The following BUD13 variants were observed in gnomAD, a reference collection of about 807,000 sequenced individuals.
BUD13 encodes BUD13 spliceosome associated protein, also known as BUD13 homolog.
A neutral mutation model predicts 62.5 loss-of-function variants in BUD13; 47 were observed. The observed-to-expected ratio is 0.75, with a 90% CI of 0.60 to 0.96. The LOEUF is 0.96. Among genes scored for constraint, BUD13 ranks in the 40% least tolerant of loss-of-function variants. The probability of loss-of-function intolerance (pLI) is 0.00; values close to 1 mark genes in which losing one functional copy is unlikely to be tolerated. For missense variants in BUD13, 821 were observed against 790.9 expected (o/e 1.04, Z -0.46); for synonymous variants, 293 against 280.1 (o/e 1.05, Z -0.46).
rs755546839 is a variant in BUD13 at position 116,763,221 on chromosome 11, G to A, written c.368C>T (p.Thr123Ile). The A allele has an allele frequency of 6.4e-7, 1 of 1,555,492 alleles. No individual in the cohort carries two copies. Among genetic ancestry groups the A allele is most frequent in the Admixed American group, 2.0e-5 (1 of 51,070 alleles). ...LPSNRHFRHD[T>I]PDSSPRRVRH... Reference sequence around the variant, plus strand: ...GACCCTCCTAGGAGATGAATCCGGGGTATCGTGACGAAAATGTCTGTTTGA... The same window carrying A: ...GACCCTCCTAGGAGATGAATCCGGGATATCGTGACGAAAATGTCTGTTTGA... Residue 123 changes from threonine (T) to isoleucine (I), a missense_variant, in exon 4 of 10, where the codon ACC becomes ATC. By Grantham distance (89) the Thr-to-Ile change is moderately conservative. This residue lies in a region of BUD13 where 800 missense variants were observed against 739.2 expected (regional missense o/e 1.08). Transcript: ENST00000260210.
chr11:116,758,514 G>C, intron 6 of BUD13, 107 bp from the exon 7 acceptor site: 1 of 1,286,236 alleles, frequency 7.8e-7, no homozygotes, highest in Non-Finnish European at 1.1e-6. Flanking sequence ...AACTTCTGCA[G>C]CCAGACCAAA....
At chr11:116,749,242 T>C (rs564721918) in intron 9 of BUD13, among the ~76,000 whole-genome samples, 13 of 152,304 alleles carry the variant, frequency 8.5e-5, no homozygotes, top group Admixed American at 5.9e-4. Flanking sequence ...CTAGGTACCA[T>C]GGTAGACACT....
intron 4 of BUD13, 112 bp from the exon 5 acceptor site, chr11:116,761,064 A>C: frequency 1.2e-6 from 1 of 867,620 alleles, no homozygotes; most frequent in East Asian, 2.9e-5. Flanking sequence ...TCCTTACATT[A>C]TTATTATTTT....
chr11:116,772,736 G>A (rs1047938152), intron 1 of BUD13, 86 bp downstream of exon 1: 76 of 1,410,702 alleles, frequency 5.4e-5, no homozygotes, highest in Non-Finnish European at 6.7e-5. Flanking sequence ...CCCGCCAAGA[G>A]GGAAGGAACT....
At chr11:116,771,035 T>G (rs186352866) in intron 1 of BUD13, among the ~76,000 whole-genome samples, 5 of 152,172 alleles carry the variant, frequency 3.3e-5, no homozygotes, top group African/African-American at 1.2e-4. Context: ...ATGCAAGCAA[T>G]CCACCCGCCT....
rs1460211509 is a variant in BUD13 at position 116,772,874 on chromosome 11, C to T, written c.91G>A (p.Gly31Ser). Residue 31 changes from glycine to serine, a missense_variant, in exon 1 of 10, where the codon GGT (glycine) becomes AGT (serine). Gly to Ser is a moderately conservative substitution (Grantham distance 56). Coordinates refer to ENST00000260210, the MANE Select transcript of BUD13 (RefSeq NM_032725.4). ...DAGVDRGSES[G>S]RKRRKKRPKP... is the part of the protein sequence containing the mutation. ...GGCCGCTTTTTGCGACGCTTGCGAC[C>T]GGACTCAGATCCCCGGTCGACGCCG... The T allele has an allele frequency of 1.3e-6, 2 of 1,592,048 alleles. No individual in the cohort carries two copies. Among genetic ancestry groups the T allele is most frequent in the Non-Finnish European group, 8.5e-7 (1 of 1,170,576 alleles).
At position 116,763,125 on chromosome 11, in the gene BUD13, G is replaced by A. The variant is rs752058181; in HGVS notation, c.464C>T (p.Ala155Val). Residue 155 changes from alanine (A) to valine (V), a missense_variant, in exon 4 of 10, where the codon GCC becomes GTC. Ala to Val is a moderately conservative substitution (Grantham distance 64, BLOSUM62 0). This residue lies in a region of BUD13 where 800 missense variants were observed against 739.2 expected (regional missense o/e 1.08). Transcript: ENST00000260210. ...AGAAGGATCCGGGGTGTCATGACGG[G>A]CCCTCCTAGGAGATGGATCCGGGGT... ...HDTPDPSPRR[A>V]RHDTPDPSPL... is the part of the protein sequence containing the mutation. 15 of 1,604,516 alleles carry A rather than the reference G, an allele frequency of 9.3e-6. No individual in the cohort carries two copies. In the Admixed American group the frequency reaches 2.5e-4, roughly 27 times the overall value.
intron 7 of BUD13, 73 bp downstream of exon 7, chr11:116,758,196 G>C (rs1591297818): frequency 1.0e-5 from 16 of 1,578,340 alleles, no homozygotes; most frequent in Admixed American, 1.8e-5. Flanking sequence ...AAGAAAGTGA[G>C]TGATCAGAAG....
At position 116,770,162 on chromosome 11, in the gene BUD13, C is replaced by A. The variant is rs376752179; in HGVS notation, c.204G>T (p.Lys68Asn). 9.3e-6 allele frequency: 15 copies of A among 1,613,474 alleles called. No individual in the cohort carries two copies. The African/African-American group carries it at 1.7e-4, about 19-fold the overall frequency. ...WTAISTTKLEKEEEEDDGDLP... is the reference protein window; with the variant it reads ...WTAISTTKLENEEEEDDGDLP... ...AATCTCCATCATCTTCCTCTTCCTCCTTTTCTAGTTTGGTTGTGGAGATAG... is the reference window on the plus strand; with the variant it reads ...AATCTCCATCATCTTCCTCTTCCTCATTTTCTAGTTTGGTTGTGGAGATAG... The change falls in exon 2 of 10, where the codon AAG becomes AAT. Residue 68 changes from lysine (K) to asparagine (N), a missense_variant. Lys to Asn is a moderately conservative substitution (Grantham distance 94). Coordinates refer to ENST00000260210, the MANE Select transcript of BUD13 (RefSeq NM_032725.4).
chr11:116,750,203 A>C (rs1940208939), intron 9 of BUD13, among the ~76,000 whole-genome samples: 1 of 152,214 alleles, frequency 6.6e-6, no homozygotes, highest in East Asian at 1.9e-4. Flanking sequence ...GAAAGACTTA[A>C]GAGGTGCACA....
intron 5 of BUD13, among the ~76,000 whole-genome samples, chr11:116,759,897 A>G (rs1213875307): frequency 2.0e-5 from 3 of 152,200 alleles, no homozygotes; most frequent in South Asian, 2.1e-4. Context: ...GATTTACCTG[A>G]TAAGTCTGCA....
At chr11:116,748,980 C>CAAAAAAAAAAAAAAAAAAAGAAAA (rs1940188113) in intron 9 of BUD13, among the ~76,000 whole-genome samples, 1 of 87,016 alleles carries the variant, frequency 1.1e-5, no homozygotes, top group African/African-American at 4.4e-5. Flanking sequence ...GACTCTGTCT[C>CAAAAAAAAAAAAAAAAAAAGAAAA]AAAAAAAAAA....
chr11:116,760,923 G>C lies in BUD13; in HGVS notation c.1066C>G (p.Leu356Val). 6.2e-7 allele frequency: 1 copy of C among 1,614,074 alleles called. No homozygotes were observed. Among genetic ancestry groups the C allele is most frequent in the Non-Finnish European group, 8.5e-7 (1 of 1,179,988 alleles). ...CTTTGTTTATGCCGTGGAGAAGAAA[G>C]GTCTGAATCAGTTGCTTTCTGGCAG... is the stretch of plus-strand genomic sequence containing the variant. The part of the protein sequence containing the change: ...GDCQKATDSD[L>V]SSPRHKQSPG... Residue 356 changes from leucine (L) to valine (V), a missense_variant, in exon 5 of 10, where the codon CTT (leucine) becomes GTT (valine). Around this residue, in one of 2 missense-constraint regions of BUD13, gnomAD observed 800 missense variants for 739.2 expected, o/e 1.08. Coordinates refer to ENST00000260210, the MANE Select transcript of BUD13 (RefSeq NM_032725.4).
chr11:116,772,192 G>A (rs959391245), intron 1 of BUD13, among the ~76,000 whole-genome samples: 21 of 152,152 alleles, frequency 1.4e-4, no homozygotes, highest in Non-Finnish European at 5.9e-5. Flanking sequence ...GTCACATTCT[G>A]TGGTTCTGGG....
intron 8 of BUD13, 132 bp from the exon 9 acceptor site, chr11:116,757,359 G>A (rs530114536): frequency 1.1e-4 from 87 of 783,366 alleles, no homozygotes; most frequent in African/African-American, 9.7e-4. Flanking sequence ...ACAGTGGCAC[G>A]ATCTCAGCTC....
intron 5 of BUD13, among the ~76,000 whole-genome samples, chr11:116,759,536 A>G (rs1448829859): frequency 1.3e-5 from 2 of 152,222 alleles, no homozygotes; most frequent in Non-Finnish European, 2.9e-5. Context: ...CTGATAAAAT[A>G]TTCCATTTAC....
intron 2 of BUD13, among the ~76,000 whole-genome samples, chr11:116,768,858 A>G (rs1591302804): frequency 6.6e-6 from 1 of 151,674 alleles, no homozygotes; most frequent in South Asian, 2.1e-4. Context: ...AAAAAAAAAC[A>G]CAAAAAATTA....
intron 2 of BUD13, among the ~76,000 whole-genome samples, chr11:116,767,467 C>T (rs1440741044): frequency 6.6e-6 from 1 of 151,250 alleles, no homozygotes; most frequent in East Asian, 2.0e-4. Flanking sequence ...GTGGCAGGTG[C>T]CTGTAGTCCC....
intron 3 of BUD13, among the ~76,000 whole-genome samples, chr11:116,764,707 G>C (rs922496312): frequency 2.6e-5 from 4 of 152,144 alleles, no homozygotes; most frequent in Admixed American, 1.3e-4. Context: ...ATTTATTAAA[G>C]GTAGCTCCTT....
Sources: allele counts gnomAD v4.1 joint callset (sites outside exome capture counted in the v4.1 genomes callset), GRCh38; gene constraint gnomAD v4.1.1; regional missense constraint gnomAD v4.1.1; transcripts MANE v1.5; gene names NCBI Gene and HGNC (gene_info 2026-07-23, HGNC 2026-07-21).